The following CLASP1 variants were observed in gnomAD, a reference collection of about 807,000 sequenced individuals.
The protein encoded by CLASP1 is CLIP-associating protein 1.
A neutral mutation model predicts 192.3 loss-of-function variants in CLASP1; 38 were observed. The observed-to-expected ratio is 0.20, with a 90% CI of 0.15 to 0.26. The LOEUF (loss-of-function observed/expected upper bound fraction) is 0.26, where lower values mean the gene tolerates loss of function less well. CLASP1 is among the 10% of genes least tolerant of loss of function. The probability of loss-of-function intolerance (pLI) is 1.00; values close to 1 mark genes in which losing one functional copy is unlikely to be tolerated. For synonymous variants in CLASP1, 691 were observed against 712.8 expected (o/e 0.97, Z 0.49); for missense variants, 1,433 against 1,932.5 (o/e 0.74, Z 4.85).
chr2:121,593,120 C>A (rs982057788), intron 2 of CLASP1, among the ~76,000 whole-genome samples: 1 of 152,122 alleles, frequency 6.6e-6, no homozygotes, highest in Non-Finnish European at 1.5e-5. Context: ...TCTTTAACCA[C>A]GTAGGAGGAA....
chr2:121,589,322 C>G (rs979661568), intron 2 of CLASP1, among the ~76,000 whole-genome samples: 6 of 152,150 alleles, frequency 3.9e-5, no homozygotes, highest in African/African-American at 9.7e-5. Context: ...TTACCCCTCA[C>G]TACCCAACAA....
At chr2:121,353,547 T>C (rs2064881451) in intron 37 of CLASP1, among the ~76,000 whole-genome samples, 1 of 152,222 alleles carries the variant, frequency 6.6e-6, no homozygotes, top group Non-Finnish European at 1.5e-5. Flanking sequence ...CCTGGCCAAG[T>C]CATCCTGAGG....
intron 38 of CLASP1, among the ~76,000 whole-genome samples, chr2:121,347,871 T>A (rs1214375279): frequency 6.6e-6 from 1 of 152,174 alleles, no homozygotes; most frequent in East Asian, 1.9e-4. Flanking sequence ...CTAACTCCTC[T>A]CTACCTTTCC....
chr2:121,361,819 T>C (rs2066462454), intron 37 of CLASP1, among the ~76,000 whole-genome samples: 1 of 152,172 alleles, frequency 6.6e-6, no homozygotes, highest in South Asian at 2.1e-4. Flanking sequence ...CAAATGTGAG[T>C]TATTATCACC....
At chr2:121,353,974 T>C (rs2064963834) in intron 37 of CLASP1, among the ~76,000 whole-genome samples, 1 of 152,182 alleles carries the variant, frequency 6.6e-6, no homozygotes, top group African/African-American at 2.4e-5. Context: ...GGTCTCAGTA[T>C]GTGAGATGGG....
chr2:121,454,054 G>T (rs1402160442), intron 14 of CLASP1, among the ~76,000 whole-genome samples: 2 of 152,056 alleles, frequency 1.3e-5, no homozygotes, highest in African/African-American at 2.4e-5. Flanking sequence ...GAGGGTGGCG[G>T]CATTTCTATT....
chr2:121,384,051 C>T (rs2072511838), intron 32 of CLASP1, among the ~76,000 whole-genome samples: 1 of 136,522 alleles, frequency 7.3e-6, no homozygotes, highest in South Asian at 2.3e-4. Flanking sequence ...TATATATACA[C>T]ACATATATGT....
At chr2:121,415,935 A>G (rs1367941501) in intron 23 of CLASP1, among the ~76,000 whole-genome samples, 1 of 152,210 alleles carries the variant, frequency 6.6e-6, no homozygotes, top group Non-Finnish European at 1.5e-5. Context: ...AAAAAAGGAA[A>G]ATATCCCTTT....
rs191720718 is a variant in CLASP1 at position 121,468,201 on chromosome 2, G to A, written c.865+1607C>T. On this transcript the variant is annotated intron_variant, in intron 9 of 39. Transcript: ENST00000263710. The stretch of plus-strand genomic sequence containing the variant: ...TGTTTTGGTTAGGGGTAGCCTTATA[G>A]TATAAAGTTGGATAGAGTGATGCCT... 2.0e-3 allele frequency among the ~76,000 whole-genome samples: 308 copies of A among 152,268 alleles called. 1 individual carries two copies. Among genetic ancestry groups the A allele is most frequent in the African/African-American group, 7.1e-3 (295 of 41,556 alleles).
intron 38 of CLASP1, 121 bp from the exon 40 acceptor site, chr2:121,347,275 C>A: frequency 3.0e-6 from 2 of 664,828 alleles, no homozygotes; most frequent in Non-Finnish European, 5.4e-6. Context: ...TCAGTAACAA[C>A]CAGGATAGAC....
At chr2:121,406,732 G>A (rs1005457839) in intron 25 of CLASP1, among the ~76,000 whole-genome samples, 1 of 152,140 alleles carries the variant, frequency 6.6e-6, no homozygotes, top group African/African-American at 2.4e-5. Flanking sequence ...TGGGATTACA[G>A]ATGCATATCA....
chr2:121,625,427 ATTTTTTTTTT>A lies in CLASP1; in HGVS notation c.-285-19257_-285-19248del, dbSNP rs397868546. The stretch of plus-strand genomic sequence containing the variant: ...TAGCTTGAGAGATTTTCTTTCTTTC[ATTTTTTTTTT>A]TTTTTTTTTTTTTTTGAGACGGAGT... On this transcript the variant is annotated intron_variant, in intron 1 of 39. Transcript: ENST00000263710. 9.4e-5 allele frequency among the ~76,000 whole-genome samples: 9 copies of A among 95,754 alleles called. No individual in the cohort carries two copies. In the East Asian group the frequency reaches 2.6e-3, roughly 28 times the overall value. The allele number at this position is 95,754 out of a possible 152,430, so 62.8% of individuals were successfully genotyped here.
chr2:121,366,332 G>C (rs1400466481), intron 35 of CLASP1, among the ~76,000 whole-genome samples: 2 of 152,228 alleles, frequency 1.3e-5, no homozygotes, highest in East Asian at 3.8e-4. Flanking sequence ...CCAGTAAACA[G>C]ATGTGTGGGC....
intron 8 of CLASP1, among the ~76,000 whole-genome samples, chr2:121,500,964 G>C (rs1284563911): frequency 6.6e-6 from 1 of 152,128 alleles, no homozygotes; most frequent in African/African-American, 2.4e-5. Context: ...TTTATACCTA[G>C]CCACTTAGAA....
chr2:121,567,314 C>T (rs12612102), intron 2 of CLASP1, among the ~76,000 whole-genome samples: 1,635 of 152,328 alleles, frequency 0.011, 28 homozygotes, highest in East Asian at 0.053. Flanking sequence ...CCTCTGGGAG[C>T]TTCCCAAGAA....
intron 2 of CLASP1, among the ~76,000 whole-genome samples, chr2:121,594,181 T>G (rs1447346124): frequency 1.0e-4 from 15 of 143,300 alleles, no homozygotes; most frequent in African/African-American, 4.0e-4. Flanking sequence ...GCGCCTGTAG[T>G]CCCAGCTACT....
intron 1 of CLASP1, among the ~76,000 whole-genome samples, chr2:121,634,961 A>C (rs569475663): frequency 1.6e-4 from 25 of 152,326 alleles, no homozygotes; most frequent in African/African-American, 5.8e-4. Flanking sequence ...GAGATAGCAA[A>C]AGATAGTTTG....
chr2:121,449,240 G>A, intron 16 of CLASP1, 120 bp from the exon 17 acceptor site: 2 of 758,676 alleles, frequency 2.6e-6, no homozygotes, highest in Non-Finnish European at 4.2e-6. Flanking sequence ...GCCGCTAATA[G>A]TAGCAGGAGG....
exon 25 of CLASP1, chr2:121,407,496 A>C: frequency 6.2e-7 from 1 of 1,613,958 alleles, no homozygotes; most frequent in Non-Finnish European, 8.5e-7. Flanking sequence ...CTCTTCAGTA[A>C]GTTCTGCAGG....
Sources: gnomAD v4.1 joint callset for allele counts (sites outside exome capture counted in the v4.1 genomes callset) on GRCh38, gnomAD v4.1.1 for gene constraint, MANE v1.5 for transcripts, NCBI Gene and HGNC (gene_info 2026-07-23, HGNC 2026-07-21) for gene names.